Variants in NACA observed in about 807,000 individuals in gnomAD.
The protein encoded by NACA is nascent polypeptide associated complex subunit alpha.
NACA carries 42 observed loss-of-function variants against 86.4 expected under a neutral mutation model. The observed-to-expected ratio is 0.49, with a 90% CI of 0.38 to 0.63. The LOEUF (loss-of-function observed/expected upper bound fraction) is 0.63, where lower values mean the gene tolerates loss of function less well. Ranked by LOEUF, NACA falls within the 20% of genes least tolerant of loss-of-function variation. NACA has a pLI of 0.00. For synonymous variants in NACA, 898 were observed against 973.7 expected (o/e 0.92, Z 1.45); for missense variants, 2,157 against 2,483.6 (o/e 0.87, Z 2.80).
chr12:56,714,626 G>A lies in NACA; in HGVS notation c.5721C>T (p.Thr1907=). Residue 1907 remains threonine (T), a synonymous_variant, in exon 4 of 9, where the codon ACC becomes ACT. Coordinates refer to ENST00000454682, the MANE Select transcript of NACA (RefSeq NM_001365896.1). The part of the protein sequence containing the change: ...SVPELEEQDS[T]QATTQQAQLA... ...CCTGGGCTTGTTGTGTGGTTGCCTG[G>A]GTGGAATCCTGTTCTTCAAGCTCTG... 1 of 1,614,108 alleles carries A rather than the reference G, an allele frequency of 6.2e-7. No individual in the cohort carries two copies. Among genetic ancestry groups the A allele is most frequent in the Non-Finnish European group, 8.5e-7 (1 of 1,180,020 alleles).
intron 5 of NACA, 45 bp from the exon 6 acceptor site, chr12:56,713,728 C>G (rs768556967): frequency 6.3e-7 from 1 of 1,580,610 alleles, no homozygotes; most frequent in South Asian, 1.1e-5. Context: ...TCTTTAGAAG[C>G]AGCCTAAAGA....
chr12:56,713,260 A>C (rs1485061203), intron 6 of NACA, 70 bp from the exon 7 acceptor site: 5 of 1,549,958 alleles, frequency 3.2e-6, no homozygotes, highest in Non-Finnish European at 4.4e-6. Flanking sequence ...ATATAGTTTC[A>C]CAACTCTCTG....
chr12:56,714,275 C>T, intron 5 of NACA, 87 bp downstream of exon 5: 2 of 1,409,462 alleles, frequency 1.4e-6, no homozygotes, highest in Non-Finnish European at 2.0e-6. Flanking sequence ...CAAAATACCA[C>T]CTGTTCCCCA....
Position 56,716,118 on chromosome 12 carries a change from G to A in NACA, c.5412C>T (p.Pro1804=). 6.2e-7 allele frequency: 1 copy of A among 1,613,480 alleles called. No individual in the cohort carries two copies. Among genetic ancestry groups the A allele is most frequent in the African/African-American group, 1.3e-5 (1 of 75,034 alleles). The part of the protein sequence containing the change: ...PSPPVSLPLA[P]SPVPTLPPKQ... ...TAGGAGGCAGAGTGGGAACTGGGGA[G>A]GGAGCAAGAGGCAGAGAGACTGGTG... Residue 1804 remains proline, a synonymous_variant, in exon 3 of 9, where the codon CCC becomes CCT. Transcript: ENST00000454682.
intron 2 of NACA, among the ~76,000 whole-genome samples, chr12:56,722,657 A>G (rs2137834175): frequency 6.6e-6 from 1 of 152,118 alleles, no homozygotes; most frequent in East Asian, 1.9e-4. Context: ...TACTGCATGC[A>G]CTCCAGCCTG....
chr12:56,720,944 C>T lies in NACA; in HGVS notation c.586G>A (p.Val196Ile). The T allele has an allele frequency of 6.2e-7, 1 of 1,613,962 alleles. No homozygotes were observed. Among genetic ancestry groups the T allele is most frequent in the Non-Finnish European group, 8.5e-7 (1 of 1,179,878 alleles). Residue 196 changes from valine to isoleucine, a missense_variant, in exon 3 of 9, where the codon GTC (valine) becomes ATC (isoleucine). Coordinates refer to ENST00000454682, the MANE Select transcript of NACA (RefSeq NM_001365896.1). ...TNLNKVPSEVVPNPKGTPSPP... is the reference protein window; with the variant it reads ...TNLNKVPSEVIPNPKGTPSPP... ...CTGGGGGTGCCTTTTGGATTAGGGACTACCTCAGAGGGAACTTTATTAAGA... is the reference window on the plus strand; with the variant it reads ...CTGGGGGTGCCTTTTGGATTAGGGATTACCTCAGAGGGAACTTTATTAAGA...
chr12:56,713,871 T>C, intron 5 of NACA, 188 bp from the exon 6 acceptor site: 1 of 608,320 alleles, frequency 1.6e-6, no homozygotes, highest in Non-Finnish European at 2.8e-6. Flanking sequence ...GAGGCAGGTC[T>C]TGCTCTGTCG....
In NACA at chr12:56,715,952, C is replaced by T. The variant is rs780097804; in HGVS notation, c.5578G>A (p.Val1860Ile). ...GCAGATTTAGGGGTGGGCATGTTGA[C>T]GAGGACCGACTGGAAAGGCACTCCC... Reference protein sequence around the residue: ...SGGVPFQSVLVNMPTPKSAGI... With the variant: ...SGGVPFQSVLINMPTPKSAGI... The change falls in exon 3 of 9, where the codon GTC becomes ATC. Residue 1860 changes from valine to isoleucine, a missense_variant. Val to Ile is a conservative substitution (Grantham distance 29, BLOSUM62 3). This residue lies in a region of NACA where 797 missense variants were observed against 777.6 expected (regional missense o/e 1.02). Coordinates refer to ENST00000454682, the MANE Select transcript of NACA (RefSeq NM_001365896.1). 108 of 1,542,362 alleles carry T rather than the reference C, an allele frequency of 7.0e-5. No homozygotes were observed. Among genetic ancestry groups the T allele is most frequent in the Non-Finnish European group, 9.0e-5 (103 of 1,144,212 alleles).
chr12:56,720,842 G>T lies in NACA; in HGVS notation c.688C>A (p.Leu230Ile). 6.2e-7 allele frequency: 1 copy of T among 1,613,998 alleles called. No homozygotes were observed. Among genetic ancestry groups the T allele is most frequent in the Non-Finnish European group, 8.5e-7 (1 of 1,179,886 alleles). Residue 230 changes from leucine (L) to isoleucine (I), a missense_variant, in exon 3 of 9, where the codon CTT becomes ATT. By Grantham distance (5) the Leu-to-Ile change is conservative. Coordinates refer to ENST00000454682, the MANE Select transcript of NACA (RefSeq NM_001365896.1). ...GTAGTTGTGGGTGTTGTCTGAGGAA[G>T]GGAGGCCACTCCAGATTGAATAGAG... is the stretch of plus-strand genomic sequence containing the variant. ...MASIQSGVASLPQTTPTTTLA... is the reference protein window; with the variant it reads ...MASIQSGVASIPQTTPTTTLA...
Position 56,717,227 on chromosome 12 carries a change from G to GA in NACA, c.4302dup (p.Pro1435SerfsTer102). 1.5e-6 allele frequency: 2 copies of GA among 1,315,508 alleles called. No individual in the cohort carries two copies. Among genetic ancestry groups the GA allele is most frequent in the Non-Finnish European group, 2.0e-6 (2 of 1,009,978 alleles). The allele number at this position is 1,315,508 out of a possible 1,614,324, so 81.5% of individuals were successfully genotyped here. A position where few individuals can be genotyped will look rare whatever the true frequency, so the allele number is the denominator to read the frequency against. On this transcript the variant is annotated frameshift_variant, in exon 3 of 9. Coordinates refer to ENST00000454682, the MANE Select transcript of NACA (RefSeq NM_001365896.1). LOFTEE classifies it high-confidence loss of function. ...AGGGAGACAGGAGTCACTGCTGGGG[G>GA]AGTGAGATCTCCTTTGGATGGGGTG...
intron 3 of NACA, 74 bp downstream of exon 3, chr12:56,715,793 GGTTA>G: frequency 7.8e-7 from 1 of 1,278,044 alleles, no homozygotes; most frequent in South Asian, 1.9e-5. Flanking sequence ...CGCATCACAG[GGTTA>G]GTATTGGTGG....
chr12:56,713,828 A>T lies in NACA; in HGVS notation c.5824-145T>A, dbSNP rs1953279102. 6.0e-6 allele frequency: 5 copies of T among 830,686 alleles called. No homozygotes were observed. The Admixed American group carries it at 9.9e-5, about 16-fold the overall frequency. The allele number at this position is 830,686 out of a possible 1,614,324, so 51.5% of individuals were successfully genotyped here. ...GAATAGAGAATGGGTTTTCTGCCGT[A>T]GTAACTTCTGTTACTTTATTTTTTA... On this transcript the variant is annotated intron_variant, in intron 5 of 8. Transcript: ENST00000454682.
chr12:56,714,254 A>T, intron 5 of NACA, 108 bp downstream of exon 5: 1 of 1,153,552 alleles, frequency 8.7e-7, no homozygotes, highest in Non-Finnish European at 1.3e-6. Flanking sequence ...TAGAGAACTT[A>T]CTTGTATAAC....
chr12:56,720,610 G>A lies in NACA; in HGVS notation c.920C>T (p.Ser307Phe), dbSNP rs1953545344. The change falls in exon 3 of 9, where the codon TCT (serine) becomes TTT (phenylalanine). Residue 307 changes from serine (S) to phenylalanine (F), a missense_variant. Ser to Phe is a radical substitution (Grantham distance 155). This residue lies in a region of NACA where 947 missense variants were observed against 917.9 expected (regional missense o/e 1.03). Transcript: ENST00000454682. Reference protein sequence around the residue: ...TPPDFPISLGSHLAPLHQSSF... With the variant: ...TPPDFPISLGFHLAPLHQSSF... ...ACTCTGATGTAAAGGTGCAAGATGAGAGCCCAGAGAAATGGGAAAATCTGG... is the reference window on the plus strand; with the variant it reads ...ACTCTGATGTAAAGGTGCAAGATGAAAGCCCAGAGAAATGGGAAAATCTGG... 1 of 1,613,864 alleles carries A rather than the reference G, an allele frequency of 6.2e-7. No homozygotes were observed. The highest frequency in any genetic ancestry group is 1.3e-5 in the African/African-American group (1 of 74,936).
chr12:56,720,305 G>T lies in NACA; in HGVS notation c.1225C>A (p.Pro409Thr). The T allele has an allele frequency of 6.2e-7, 1 of 1,613,834 alleles. No homozygotes were observed. Among genetic ancestry groups the T allele is most frequent in the Non-Finnish European group, 8.5e-7 (1 of 1,179,826 alleles). The stretch of plus-strand genomic sequence containing the variant: ...CTTTTGAGAATGAGAGAGGTTGTAG[G>T]AGATAATGAAAAAGAGGTAGCTACA... ...LNVATSFSLSPTTSLILKSSP... is the reference protein window; with the variant it reads ...LNVATSFSLSTTTSLILKSSP... The change falls in exon 3 of 9, where the codon CCT becomes ACT. Residue 409 changes from proline (P) to threonine (T), a missense_variant. Transcript: ENST00000454682.
chr12:56,715,991 C>T lies in NACA; in HGVS notation c.5539G>A (p.Glu1847Lys), dbSNP rs1484697417. The T allele has an allele frequency of 1.9e-6, 3 of 1,587,092 alleles. No homozygotes were observed. Among genetic ancestry groups the T allele is most frequent in the Admixed American group, 1.7e-5 (1 of 57,676 alleles). The change falls in exon 3 of 9, where the codon GAA becomes AAA. Residue 1847 changes from glutamate (E) to lysine (K), a missense_variant. Physicochemically the swap from Glu to Lys is moderately conservative, Grantham distance 56. Transcript: ENST00000454682. ...EDELLPLIPP[E>K]PISGGVPFQS... ...AAAGGCACTCCCCCAGAGATTGGTTCCGGGGGAATCAGAGGCAGCAGCTCA... is the reference window on the plus strand; with the variant it reads ...AAAGGCACTCCCCCAGAGATTGGTTTCGGGGGAATCAGAGGCAGCAGCTCA...
chr12:56,720,089 C>G lies in NACA; in HGVS notation c.1441G>C (p.Ala481Pro). The G allele has an allele frequency of 6.2e-7, 1 of 1,613,824 alleles. No individual in the cohort carries two copies. Among genetic ancestry groups the G allele is most frequent in the East Asian group, 2.2e-5 (1 of 44,878 alleles). ...PISNIEPTSP[A>P]ALVMAPVAPK... ...GCCACAGGTGCCATAACCAAGGCAG[C>G]AGGGGAAGTTGGTTCTATGTTACTT... The change falls in exon 3 of 9, where the codon GCT (alanine) becomes CCT (proline). Residue 481 changes from alanine to proline, a missense_variant. Around this residue, in one of 8 missense-constraint regions of NACA, gnomAD observed 947 missense variants for 917.9 expected, o/e 1.03. Transcript: ENST00000454682.
Position 56,716,334 on chromosome 12 carries a change from T to C in NACA, c.5196A>G (p.Thr1732=), listed in dbSNP as rs1953360030. Residue 1732 remains threonine, a synonymous_variant, in exon 3 of 9, where the codon ACA becomes ACG. Transcript: ENST00000454682. ...CAGGGAGTAGAGGGGCTGGAGCCACTGTGGAAAGGGGTCCTTTAGAACCAT... is the reference window on the plus strand; with the variant it reads ...CAGGGAGTAGAGGGGCTGGAGCCACCGTGGAAAGGGGTCCTTTAGAACCAT... ...AKNGSKGPLS[T]VAPAPLLPVQ... is the part of the protein sequence containing the mutation. 5 of 1,612,712 alleles carry C rather than the reference T, an allele frequency of 3.1e-6. No homozygotes were observed. The highest frequency in any genetic ancestry group is 3.4e-6 in the Non-Finnish European group (4 of 1,179,622).
chr12:56,713,714 A>C (rs1158479555), intron 5 of NACA, 31 bp from the exon 6 acceptor site: 1 of 1,609,616 alleles, frequency 6.2e-7, no homozygotes, highest in Non-Finnish European at 8.5e-7. Flanking sequence ...TCAGGTTTTC[A>C]ACCTCTTTAG....
Sources: gnomAD v4.1 joint callset for allele counts (sites outside exome capture counted in the v4.1 genomes callset) on GRCh38, gnomAD v4.1.1 for gene constraint, gnomAD v4.1.1 regional missense constraint, MANE v1.5 for transcripts, NCBI Gene and HGNC (gene_info 2026-07-23, HGNC 2026-07-21) for gene names.